The following CSMD1 variants were observed in gnomAD, a reference collection of about 807,000 sequenced individuals.
CSMD1 encodes the protein CUB and Sushi multiple domains 1.
Under a neutral mutation model 417.5 loss-of-function variants are expected in CSMD1, and 213 were observed. The ratio of observed to expected loss-of-function variants is 0.51; its 90% CI spans 0.46 to 0.57. The LOEUF (loss-of-function observed/expected upper bound fraction) is 0.57, where lower values mean the gene tolerates loss of function less well. Among genes scored for constraint, CSMD1 ranks in the 20% least tolerant of loss-of-function variants. The probability of loss-of-function intolerance (pLI) is 0.00; values close to 1 mark genes in which losing one functional copy is unlikely to be tolerated. For synonymous variants in CSMD1, 2,862 were observed against 1,736.8 expected (o/e 1.65, Z -16.11); for missense variants, 6,923 against 4,529.7 (o/e 1.53, Z -15.17).
At chr8:3,864,715 G>C (rs1804963385) in intron 5 of CSMD1, among the ~76,000 whole-genome samples, 1 of 151,932 alleles carries the variant, frequency 6.6e-6, no homozygotes, top group African/African-American at 2.4e-5. Flanking sequence ...GGAACATTAT[G>C]GTAATTCCAC....
chr8:3,783,798 T>C (rs1799306765), intron 5 of CSMD1, among the ~76,000 whole-genome samples: 1 of 152,180 alleles, frequency 6.6e-6, no homozygotes, highest in Non-Finnish European at 1.5e-5. Context: ...ACACTGAGGC[T>C]TCCATATTGT....
intron 26 of CSMD1, among the ~76,000 whole-genome samples, chr8:3,263,417 C>T (rs563572863): frequency 6.6e-6 from 1 of 152,164 alleles, no homozygotes; most frequent in African/African-American, 2.4e-5. Context: ...TCCACTGTTA[C>T]AGTTGTATTC....
intron 19 of CSMD1, among the ~76,000 whole-genome samples, chr8:3,368,478 A>C (rs1445110238): frequency 6.6e-6 from 1 of 152,126 alleles, no homozygotes; most frequent in Admixed American, 6.5e-5. Context: ...CTGCGATTAC[A>C]GGCATGCACC....
chr8:4,394,551 C>G (rs1036629004), intron 3 of CSMD1, among the ~76,000 whole-genome samples: 1 of 152,120 alleles, frequency 6.6e-6, no homozygotes, highest in Non-Finnish European at 1.5e-5. Flanking sequence ...TGCTTTGGAG[C>G]AAATGGACTT....
At chr8:4,081,996 A>G (rs894134541) in intron 3 of CSMD1, among the ~76,000 whole-genome samples, 2 of 151,828 alleles carry the variant, frequency 1.3e-5, no homozygotes, top group African/African-American at 4.8e-5. Flanking sequence ...AGTTAATAGG[A>G]AAAAAATATA....
intron 12 of CSMD1, among the ~76,000 whole-genome samples, chr8:3,461,078 G>T (rs1303786895): frequency 6.6e-6 from 1 of 152,232 alleles, no homozygotes; most frequent in Non-Finnish European, 1.5e-5. Flanking sequence ...TCTTTCCCTT[G>T]CATGGGCCTC....
intron 6 of CSMD1, among the ~76,000 whole-genome samples, chr8:3,710,177 T>C (rs906345522): frequency 5.9e-5 from 9 of 152,170 alleles, no homozygotes; most frequent in African/African-American, 1.9e-4. Context: ...AGTTTTTTGT[T>C]TTTAATTGTC....
chr8:3,287,384 A>T (rs1278105112), intron 25 of CSMD1, among the ~76,000 whole-genome samples: 1 of 152,122 alleles, frequency 6.6e-6, no homozygotes, highest in East Asian at 1.9e-4. Flanking sequence ...TCTATAAATT[A>T]CCTTGGGCAG....
intron 39 of CSMD1, 86 bp downstream of exon 39, chr8:3,157,811 A>G: frequency 9.4e-7 from 1 of 1,061,842 alleles, no homozygotes; most frequent in Non-Finnish European, 1.4e-6. Flanking sequence ...GAAATTTAGA[A>G]GTGCATTCTT....
rs189857874 is a variant in CSMD1, at chr8:3,411,773, T to C, written c.1562-2168A>G. 2.5e-4 allele frequency among the ~76,000 whole-genome samples: 31 copies of C among 125,230 alleles called. 3 individuals are homozygous for C. In the East Asian group the frequency reaches 6.9e-3, roughly 28 times the overall value. The allele number at this position is 125,230 out of a possible 152,430, so 82.2% of individuals were successfully genotyped here. On this transcript the variant is annotated intron_variant, in intron 12 of 69. Transcript: ENST00000635120. ...ACGTGTATATACGTGTATATACGTGTGTATATACCTGTATATATACACGTA... is the reference window on the plus strand; with the variant it reads ...ACGTGTATATACGTGTATATACGTGCGTATATACCTGTATATATACACGTA...
intron 5 of CSMD1, among the ~76,000 whole-genome samples, chr8:3,851,394 G>A (rs553280936): frequency 6.6e-6 from 1 of 152,240 alleles, no homozygotes; most frequent in East Asian, 1.9e-4. Context: ...ATCTCTTTTG[G>A]CATGGACATA....
intron 41 of CSMD1, among the ~76,000 whole-genome samples, chr8:3,133,862 T>C (rs1395852185): frequency 6.6e-6 from 1 of 152,202 alleles, no homozygotes; most frequent in Non-Finnish European, 1.5e-5. Context: ...GCCGGTCGAA[T>C]TCTTGCAAAG....
intron 5 of CSMD1, among the ~76,000 whole-genome samples, chr8:3,886,446 C>T (rs895256369): frequency 6.6e-6 from 1 of 152,200 alleles, no homozygotes; most frequent in Admixed American, 6.5e-5. Flanking sequence ...ATATTCTTTA[C>T]AAGGCCAGAT....
At chr8:3,291,961 T>A (rs1227316691) in intron 25 of CSMD1, among the ~76,000 whole-genome samples, 1 of 152,064 alleles carries the variant, frequency 6.6e-6, no homozygotes. Flanking sequence ...CTTGTGGGCA[T>A]TTAGTGCTAT....
chr8:4,533,517 G>C (rs953301163), intron 2 of CSMD1, among the ~76,000 whole-genome samples: 1 of 152,080 alleles, frequency 6.6e-6, no homozygotes, highest in Non-Finnish European at 1.5e-5. Context: ...GAAGAACATA[G>C]TACAGACCTT....
intron 25 of CSMD1, among the ~76,000 whole-genome samples, chr8:3,288,493 T>C (rs1220684273): frequency 1.4e-5 from 2 of 147,310 alleles, no homozygotes; most frequent in Non-Finnish European, 1.5e-5. Flanking sequence ...TATTGGTCTA[T>C]TCAGAGATTC....
At chr8:3,447,499 G>C (rs1259638046) in intron 12 of CSMD1, among the ~76,000 whole-genome samples, 1 of 152,198 alleles carries the variant, frequency 6.6e-6, no homozygotes, top group African/African-American at 2.4e-5. Flanking sequence ...GGAATGGGAA[G>C]TGCAGGCAGT....
intron 41 of CSMD1, 63 bp from the exon 42 acceptor site, chr8:3,118,650 G>A (rs1173375421): frequency 1.4e-6 from 2 of 1,454,878 alleles, no homozygotes; most frequent in African/African-American, 1.4e-5. Context: ...TTCGGAATTT[G>A]CAGGAGTGTC....
chr8:3,575,027 A>AG lies in CSMD1; in HGVS notation c.1261_1262insC (p.Val421AlafsTer6). On this transcript the variant is annotated frameshift_variant, in exon 10 of 70. Transcript: ENST00000635120. LOFTEE classifies it high-confidence loss of function. ...AACCGGATAATTAGGGGAGGTAATG[A>AG]CGCCGCTGGGCCCACGCAGATTGGA... The AG allele has an allele frequency of 6.2e-7, 1 of 1,613,514 alleles. No individual in the cohort carries two copies. Among genetic ancestry groups the AG allele is most frequent in the Non-Finnish European group, 8.5e-7 (1 of 1,179,760 alleles).
Sources: allele counts gnomAD v4.1 joint callset (sites outside exome capture counted in the v4.1 genomes callset), GRCh38; gene constraint gnomAD v4.1.1; transcripts MANE v1.5; gene names NCBI Gene and HGNC (gene_info 2026-07-23, HGNC 2026-07-21).